The following TRAF1 variants were observed in gnomAD, a reference collection of about 807,000 sequenced individuals.
TRAF1 encodes TNF receptor associated factor 1.
Under a neutral mutation model 40.9 loss-of-function variants are expected in TRAF1, and 23 were observed. That is an observed-to-expected ratio of 0.56 (90% confidence interval 0.40 to 0.80). The LOEUF is 0.80. Ranked by LOEUF, TRAF1 falls within the 30% of genes least tolerant of loss-of-function variation. TRAF1 has a pLI of 0.00. For synonymous variants in TRAF1, 206 were observed against 218.8 expected (o/e 0.94, Z 0.52); for missense variants, 477 against 528.7 (o/e 0.90, Z 0.96).
At chr9:120,910,775 TA>T (rs2046520475) in intron 6 of TRAF1, among the ~76,000 whole-genome samples, 1 of 152,210 alleles carries the variant, frequency 6.6e-6, no homozygotes, top group East Asian at 1.9e-4. Context: ...ACTTGCCAAG[TA>T]ATTACTTTAT....
intron 3 of TRAF1, among the ~76,000 whole-genome samples, chr9:120,922,840 CTTTT>C (rs561400528): frequency 6.6e-6 from 1 of 152,020 alleles, no homozygotes; most frequent in African/African-American, 2.4e-5. Flanking sequence ...CCCAAAATAT[CTTTT>C]TTTGTTTTTT....
intron 7 of TRAF1, 117 bp from the exon 8 acceptor site, chr9:120,905,355 T>G: frequency 9.1e-7 from 1 of 1,103,760 alleles, no homozygotes. Flanking sequence ...CCTCAGACCC[T>G]TGGCTCATTT....
chr9:120,912,071 T>C (rs1371072261), intron 5 of TRAF1, among the ~76,000 whole-genome samples: 1 of 152,202 alleles, frequency 6.6e-6, no homozygotes, highest in East Asian at 1.9e-4. Context: ...GGAAAGAATA[T>C]AAATTTATTC....
intron 5 of TRAF1, 63 bp from the exon 6 acceptor site, chr9:120,911,576 C>A: frequency 1.3e-6 from 2 of 1,563,214 alleles, no homozygotes; most frequent in Non-Finnish European, 8.7e-7. Flanking sequence ...ATGGGAATGG[C>A]GGGATGTGGA....
In TRAF1 at chr9:120,913,688, G is replaced by A; in HGVS notation, c.345C>T (p.His115=). The change falls in exon 5 of 8, where the codon CAC becomes CAT. Residue 115 remains histidine (H), a synonymous_variant. Transcript: ENST00000373887. ...TCATGAACCCCAACAGCAGGTTTAG[G>A]TGGGAGGTCTGGGAGGTGACCTCAT... is the stretch of plus-strand genomic sequence containing the variant. ...QEHEVTSQTS[H]LNLLLGFMKQ... 1.2e-6 allele frequency: 2 copies of A among 1,609,722 alleles called. No homozygotes were observed.
intron 3 of TRAF1, among the ~76,000 whole-genome samples, chr9:120,914,891 C>T (rs1014714189): frequency 1.3e-5 from 2 of 152,198 alleles, no homozygotes; most frequent in Non-Finnish European, 2.9e-5. Flanking sequence ...CACTGTTAGC[C>T]TATTTAGGTC....
rs1002018828 is a variant in TRAF1, at chr9:120,902,902, T to A, written c.*2118A>T. Reference sequence around the variant, plus strand: ...TAACAGGTGCAGGTGTCAATGAAGCTTTGCTGAAAGAATGGCTGCATCTCA... The same window carrying A: ...TAACAGGTGCAGGTGTCAATGAAGCATTGCTGAAAGAATGGCTGCATCTCA... On this transcript the variant is annotated 3_prime_UTR_variant, in exon 8 of 8. Transcript: ENST00000373887. The A allele has an allele frequency of 6.6e-6, 1 of 152,258 alleles. No homozygotes were observed. Among genetic ancestry groups the A allele is most frequent in the Non-Finnish European group, 1.5e-5 (1 of 68,074 alleles). 9.4% of individuals were successfully genotyped at this position (152,258 alleles called of 1,614,324 possible). A position where few individuals can be genotyped will look rare whatever the true frequency, so the allele number is the denominator to read the frequency against.
chr9:120,920,180 T>A (rs986065271), intron 3 of TRAF1, among the ~76,000 whole-genome samples: 2 of 152,152 alleles, frequency 1.3e-5, no homozygotes, highest in African/African-American at 4.8e-5. Context: ...GAAAGACTGC[T>A]CAGTGTCTTT....
chr9:120,926,320 A>ATTT lies in TRAF1; in HGVS notation c.-226-22_-226-20dup. 14 of 291,380 alleles carry ATTT rather than the reference A, an allele frequency of 4.8e-5. No individual in the cohort carries two copies. The highest frequency in any genetic ancestry group is 1.1e-4 in the East Asian group (2 of 17,638). The allele number at this position is 291,380 out of a possible 1,614,324, so 18.0% of individuals were successfully genotyped here. ...CTGAAGGCTTTAGGAGTGTCCAGTC[A>ATTT]TTTTTTTTTTTTTTTAGAGTGAGAA... On this transcript the variant is annotated intron_variant, in intron 1 of 7. Coordinates refer to ENST00000373887, the MANE Select transcript of TRAF1 (RefSeq NM_005658.5).
At chr9:120,914,430 C>T in intron 3 of TRAF1, 130 bp from the exon 4 acceptor site, 11 of 1,242,980 alleles carry the variant, frequency 8.8e-6, no homozygotes, top group Non-Finnish European at 1.1e-5. Context: ...ACTGCTGTTC[C>T]CTTTGGCTAT....
intron 3 of TRAF1, among the ~76,000 whole-genome samples, chr9:120,919,803 C>T (rs976202859): frequency 6.6e-6 from 1 of 152,178 alleles, no homozygotes; most frequent in Non-Finnish European, 1.5e-5. Flanking sequence ...TGGTGGACTC[C>T]TGCACTAAAG....
chr9:120,917,882 C>T (rs774940479), intron 3 of TRAF1, among the ~76,000 whole-genome samples: 3 of 152,146 alleles, frequency 2.0e-5, no homozygotes, highest in Admixed American at 1.3e-4. Context: ...CAGCAACCCC[C>T]ACCCAAATCA....
In TRAF1 at chr9:120,926,120, G is replaced by C; in HGVS notation, c.-45C>G. ...CAGAGGGCCTGTTTAAGTTGCTCCA[G>C]GGCAGGGGACCAGCCTTGTGGAGTC... On this transcript the variant is annotated 5_prime_UTR_variant, in exon 2 of 8. Coordinates refer to ENST00000373887, the MANE Select transcript of TRAF1 (RefSeq NM_005658.5). 6.7e-7 allele frequency: 1 copy of C among 1,502,528 alleles called. No individual in the cohort carries two copies. Among genetic ancestry groups the C allele is most frequent in the Non-Finnish European group, 8.9e-7 (1 of 1,128,024 alleles). 93.1% of individuals were successfully genotyped at this position (1,502,528 alleles called of 1,614,324 possible).
In TRAF1 at chr9:120,926,244, G is replaced by A; in HGVS notation, c.-169C>T. On this transcript the variant is annotated 5_prime_UTR_variant, in exon 2 of 8. Coordinates refer to ENST00000373887, the MANE Select transcript of TRAF1 (RefSeq NM_005658.5). ...CAACGTCACAGCTGAGTCACAGCAG[G>A]GATGGAGCAGGAATTACCCTTTGTG... is the stretch of plus-strand genomic sequence containing the variant. 1 of 657,912 alleles carries A rather than the reference G, an allele frequency of 1.5e-6. No homozygotes were observed. The highest frequency in any genetic ancestry group is 2.7e-5 in the South Asian group (1 of 37,002). The allele number at this position is 657,912 out of a possible 1,614,324, so 40.8% of individuals were successfully genotyped here.
rs1351951661 is a variant in TRAF1, at chr9:120,904,965, A to G, written c.*55T>C. ...TTGGGTGCCAAGGGCAGGGCATCACAGTCCTCTGGCTAGCTCCCTTCTGAG... is the reference window on the plus strand; with the variant it reads ...TTGGGTGCCAAGGGCAGGGCATCACGGTCCTCTGGCTAGCTCCCTTCTGAG... On this transcript the variant is annotated 3_prime_UTR_variant, in exon 8 of 8. Coordinates refer to ENST00000373887, the MANE Select transcript of TRAF1 (RefSeq NM_005658.5). The G allele has an allele frequency of 1.3e-6, 2 of 1,543,904 alleles. No homozygotes were observed. The highest frequency in any genetic ancestry group is 2.3e-5 in the East Asian group (1 of 43,292).
rs1267814817 is a variant in TRAF1 at position 120,913,681 on chromosome 9, G to T, written c.352C>A (p.Leu118Met). Residue 118 changes from leucine (L) to methionine (M), a missense_variant, in exon 5 of 8, where the codon CTG (leucine) becomes ATG (methionine). By Grantham distance (15) the Leu-to-Met change is conservative (BLOSUM62 2). Transcript: ENST00000373887. ...CACTGTTTCATGAACCCCAACAGCA[G>T]GTTTAGGTGGGAGGTCTGGGAGGTG... ...EVTSQTSHLN[L>M]LLGFMKQWKA... 2 of 1,610,792 alleles carry T rather than the reference G, an allele frequency of 1.2e-6. No individual in the cohort carries two copies. Among genetic ancestry groups the T allele is most frequent in the Admixed American group, 3.3e-5 (2 of 59,790 alleles).
At chr9:120,910,834 G>A (rs908060249) in intron 6 of TRAF1, among the ~76,000 whole-genome samples, 1 of 152,230 alleles carries the variant, frequency 6.6e-6, no homozygotes, top group Admixed American at 6.5e-5. Context: ...AGTAAGAACT[G>A]AGTAAGACAC....
intron 5 of TRAF1, 121 bp downstream of exon 5, chr9:120,913,207 T>A (rs932807790): frequency 8.1e-7 from 1 of 1,234,212 alleles, no homozygotes; most frequent in Admixed American, 2.8e-5. Context: ...AAAGGGGAGA[T>A]ACGTTTTGAT....
intron 3 of TRAF1, among the ~76,000 whole-genome samples, chr9:120,919,848 T>C (rs953380089): frequency 5.3e-5 from 8 of 152,164 alleles, no homozygotes; most frequent in Non-Finnish European, 1.5e-5. Context: ...ATGAAACATT[T>C]AGGGGAGGAT....
Sources: gnomAD v4.1 joint callset for allele counts (sites outside exome capture counted in the v4.1 genomes callset) on GRCh38, gnomAD v4.1.1 for gene constraint, MANE v1.5 for transcripts, NCBI Gene and HGNC (gene_info 2026-07-23, HGNC 2026-07-21) for gene names.